PPARGC1B: variants seen among roughly 807,000 people sequenced by gnomAD.
PPARGC1B encodes peroxisome proliferator-activated receptor gamma coactivator 1-beta.
PPARGC1B carries 34 observed loss-of-function variants against 101.6 expected under a neutral mutation model. The observed-to-expected ratio is 0.33, with a 90% confidence interval of 0.25 to 0.45. The LOEUF is 0.45. Ranked by LOEUF, PPARGC1B falls within the 20% of genes least tolerant of loss-of-function variation. The probability of loss-of-function intolerance (pLI) is 1.00; values close to 1 mark genes in which losing one functional copy is unlikely to be tolerated. For synonymous variants in PPARGC1B, 548 were observed against 539.3 expected (o/e 1.02, Z -0.22); for missense variants, 1,234 against 1,317.6 (o/e 0.94, Z 0.98).
chr5:149,817,378 G>A (rs1183371394), intron 1 of PPARGC1B, among the ~76,000 whole-genome samples: 1 of 152,150 alleles, frequency 6.6e-6, no homozygotes, highest in East Asian at 1.9e-4. Context: ...TACTTAGGAG[G>A]CTGAGGTTGA....
At chr5:149,788,931 T>C (rs571142439) in intron 1 of PPARGC1B, among the ~76,000 whole-genome samples, 56 of 151,550 alleles carry the variant, frequency 3.7e-4, no homozygotes, top group Non-Finnish European at 6.6e-4. Flanking sequence ...TGTTGTGGGG[T>C]GGGAGGAGTG....
At chr5:149,736,719 G>T (rs919639379) in intron 1 of PPARGC1B, among the ~76,000 whole-genome samples, 3 of 152,030 alleles carry the variant, frequency 2.0e-5, no homozygotes, top group African/African-American at 7.2e-5. Flanking sequence ...TCACTCTCTT[G>T]CTCACACATC....
intron 1 of PPARGC1B, among the ~76,000 whole-genome samples, chr5:149,752,317 GT>G (rs1355918530): frequency 1.3e-5 from 2 of 152,322 alleles, no homozygotes; most frequent in African/African-American, 4.8e-5. Context: ...GCTGTTTGAA[GT>G]GTTAACTGAT....
intron 1 of PPARGC1B, among the ~76,000 whole-genome samples, chr5:149,733,419 C>T (rs564987387): frequency 1.3e-5 from 2 of 152,354 alleles, no homozygotes; most frequent in South Asian, 4.1e-4. Context: ...TTCTCCTCTA[C>T]TAGGCTCTCC....
chr5:149,741,627 T>C (rs1754910853), intron 1 of PPARGC1B, among the ~76,000 whole-genome samples: 1 of 64,512 alleles, frequency 1.6e-5, no homozygotes, highest in Non-Finnish European at 2.7e-5. Flanking sequence ...CAAAATATTC[T>C]TTTTTTTTTT....
chr5:149,736,934 G>A (rs1362644515), intron 1 of PPARGC1B, among the ~76,000 whole-genome samples: 2 of 151,806 alleles, frequency 1.3e-5, no homozygotes, highest in African/African-American at 4.8e-5. Context: ...ACACATCATT[G>A]CCACCCCAGA....
At chr5:149,769,429 G>A (rs770181863) in intron 1 of PPARGC1B, among the ~76,000 whole-genome samples, 8 of 152,204 alleles carry the variant, frequency 5.3e-5, no homozygotes, top group Non-Finnish European at 1.0e-4. Context: ...TATGCTGCCG[G>A]AGCCAGGCGT....
chr5:149,731,257 A>G (rs2113044538), intron 1 of PPARGC1B, among the ~76,000 whole-genome samples: 1 of 152,132 alleles, frequency 6.6e-6, no homozygotes. Context: ...GGAGCGAGGA[A>G]GCTGGTGGCT....
Position 149,814,788 on chromosome 5 carries a change from C to T in PPARGC1B, c.79-5645C>T, listed in dbSNP as rs117159349. ...GTCTGGAGGAAACCCCATTAATCCA[C>T]GGCCAGGGTTATTTATCTCCCTGGC... On this transcript the variant is annotated intron_variant, in intron 1 of 11. Coordinates refer to ENST00000309241, the MANE Select transcript of PPARGC1B (RefSeq NM_133263.4). 4.7e-4 allele frequency among the ~76,000 whole-genome samples: 72 copies of T among 152,354 alleles called. No individual in the cohort carries two copies. In the East Asian group the frequency reaches 5.2e-3, roughly 11 times the overall value.
chr5:149,736,492 G>A (rs921203041), intron 1 of PPARGC1B, among the ~76,000 whole-genome samples: 16 of 152,076 alleles, frequency 1.1e-4, no homozygotes, highest in African/African-American at 3.1e-4. Flanking sequence ...CAAGGTAGTC[G>A]GAGTGCCTCA....
At chr5:149,787,343 C>T (rs1043028446) in intron 1 of PPARGC1B, among the ~76,000 whole-genome samples, 5 of 152,186 alleles carry the variant, frequency 3.3e-5, no homozygotes, top group African/African-American at 1.2e-4. Context: ...GCTTCACTGA[C>T]CCACGAGAGC....
intron 1 of PPARGC1B, among the ~76,000 whole-genome samples, chr5:149,731,567 C>A (rs1754469189): frequency 6.8e-6 from 1 of 146,838 alleles, no homozygotes; most frequent in Non-Finnish European, 1.5e-5. Context: ...GGAGTGGGAG[C>A]GCCGGTGCCG....
At chr5:149,771,857 A>C (rs1201513028) in intron 1 of PPARGC1B, 6 of 477,256 alleles carry the variant, frequency 1.3e-5, no homozygotes, top group Non-Finnish European at 2.1e-5. Context: ...GTGTCCAGGA[A>C]GTAAATATCC....
chr5:149,832,914 C>A lies in PPARGC1B; in HGVS notation c.841C>A (p.Gln281Lys). The A allele has an allele frequency of 6.2e-7, 1 of 1,613,172 alleles. No homozygotes were observed. The highest frequency in any genetic ancestry group is 8.5e-7 in the Non-Finnish European group (1 of 1,180,008). ...GRADPGAPVS[Q>K]EDMQAMVQLI... is the part of the protein sequence containing the mutation. ...GGCAGACCCCGGTGCCCCGGTTTCC[C>A]AGGAAGACATGCAGGCGATGGTGCA... The change falls in exon 5 of 12, where the codon CAG (glutamine) becomes AAG (lysine). Residue 281 changes from glutamine to lysine, a missense_variant. Gln to Lys is a moderately conservative substitution (Grantham distance 53, BLOSUM62 1). Around this residue, in one of 3 missense-constraint regions of PPARGC1B, gnomAD observed 734 missense variants for 768.4 expected, o/e 0.96. Coordinates refer to ENST00000309241, the MANE Select transcript of PPARGC1B (RefSeq NM_133263.4). The surrounding 1 kb of genome is among the most constrained non-coding windows in gnomAD (Gnocchi z 4.9).
chr5:149,828,530 A>G (rs561566126), intron 3 of PPARGC1B, among the ~76,000 whole-genome samples: 1 of 152,390 alleles, frequency 6.6e-6, no homozygotes, highest in African/African-American at 2.4e-5. Flanking sequence ...CATTAGTGGT[A>G]ACAAGCATTC....
At chr5:149,845,340 G>C (rs1460643897) in intron 10 of PPARGC1B, among the ~76,000 whole-genome samples, 2 of 152,218 alleles carry the variant, frequency 1.3e-5, no homozygotes, top group Non-Finnish European at 2.9e-5. Flanking sequence ...CAAATCCAGG[G>C]AAATGGGAAT....
chr5:149,824,576 A>C (rs1758430422), intron 2 of PPARGC1B, among the ~76,000 whole-genome samples: 1 of 152,188 alleles, frequency 6.6e-6, no homozygotes, highest in African/African-American at 2.4e-5. Context: ...CGACTTGCCT[A>C]AGATCACCCT....
rs1321545593 is a variant in PPARGC1B, at chr5:149,850,654, CA to C, written c.*3097del. On this transcript the variant is annotated 3_prime_UTR_variant, in exon 12 of 12. Transcript: ENST00000309241. Reference sequence around the variant, plus strand: ...GGAGTAACCCAGAGGGAGCAGCTGCCATTGGCAACCATCTCGTTGTAGCTCT... The same window carrying C: ...GGAGTAACCCAGAGGGAGCAGCTGCCTTGGCAACCATCTCGTTGTAGCTCT... 6.6e-6 allele frequency: 1 copy of C among 152,252 alleles called. No individual in the cohort carries two copies. Among genetic ancestry groups the C allele is most frequent in the Admixed American group, 6.5e-5 (1 of 15,290 alleles). 9.4% of individuals were successfully genotyped at this position (152,252 alleles called of 1,614,324 possible).
At chr5:149,839,837 A>G (rs564030711) in intron 8 of PPARGC1B, among the ~76,000 whole-genome samples, 22 of 152,320 alleles carry the variant, frequency 1.4e-4, no homozygotes, top group African/African-American at 5.3e-4. Flanking sequence ...GGCAGTAGGC[A>G]TGTGTCCAGA....
Sources: gnomAD v4.1 joint callset for allele counts (sites outside exome capture counted in the v4.1 genomes callset) on GRCh38, gnomAD v4.1.1 for gene constraint, gnomAD v4.1.1 regional missense constraint, Gnocchi (gnomAD v3.1) non-coding constraint, MANE v1.5 for transcripts, NCBI Gene and HGNC (gene_info 2026-07-23, HGNC 2026-07-21) for gene names.